SERGEF: variants seen among roughly 807,000 people sequenced by gnomAD.
SERGEF encodes the protein secretion regulating guanine nucleotide exchange factor, also known as secretion-regulating guanine nucleotide exchange factor.
In SERGEF, 51 loss-of-function variants were observed where a neutral mutation model predicts 50.0. The observed-to-expected ratio is 1.02, with a 90% CI of 0.81 to 1.29. The LOEUF (loss-of-function observed/expected upper bound fraction) is 1.29. SERGEF is among the 50% of genes most tolerant of loss of function. SERGEF has a pLI of 0.00. For synonymous variants in SERGEF, 205 were observed against 212.4 expected (o/e 0.97, Z 0.30); for missense variants, 521 against 557.0 (o/e 0.94, Z 0.65).
intron 10 of SERGEF, among the ~76,000 whole-genome samples, chr11:17,859,915 T>C (rs1370510644): frequency 6.6e-6 from 1 of 152,198 alleles, no homozygotes; most frequent in Non-Finnish European, 1.5e-5. Flanking sequence ...AACTCCTCTT[T>C]TCCGGGAAAG....
At chr11:17,899,663 T>C (rs1851707953) in intron 9 of SERGEF, among the ~76,000 whole-genome samples, 2 of 152,078 alleles carry the variant, frequency 1.3e-5, no homozygotes, top group Non-Finnish European at 2.9e-5. Context: ...TCATCAAACA[T>C]TTAATGAGGC....
At chr11:17,870,175 A>G (rs1851111318) in intron 10 of SERGEF, among the ~76,000 whole-genome samples, 1 of 152,186 alleles carries the variant, frequency 6.6e-6, no homozygotes, top group African/African-American at 2.4e-5. Flanking sequence ...CCATGATTGT[A>G]AGTTTCCTGA....
In SERGEF at chr11:17,812,768, A is replaced by T. The variant is rs183429468; in HGVS notation, c.1049-24355T>A. On this transcript the variant is annotated intron_variant, in intron 10 of 10. Transcript: ENST00000265965. ...TATACTGCTTACTTACTCTGCCCCC[A>T]GTAGAGAGCCTGGCATATGATAAAG... 6.6e-4 allele frequency among the ~76,000 whole-genome samples: 100 copies of T among 152,358 alleles called. 1 individual carries two copies. The highest frequency in any genetic ancestry group is 1.2e-4 in the Non-Finnish European group (8 of 68,026).
At chr11:17,992,903 G>A in intron 7 of SERGEF, 28 bp downstream of exon 7, 1 of 1,597,874 alleles carries the variant, frequency 6.3e-7, no homozygotes, top group South Asian at 1.1e-5. Flanking sequence ...TGAATGGCAT[G>A]TTAAACCGTG....
intron 3 of SERGEF, among the ~76,000 whole-genome samples, 165 bp downstream of exon 3, chr11:18,006,426 T>C (rs893154821): frequency 6.6e-6 from 1 of 152,236 alleles, no homozygotes; most frequent in African/African-American, 2.4e-5. Context: ...TACACCTGCC[T>C]TGGCCTCCCA....
intron 9 of SERGEF, among the ~76,000 whole-genome samples, chr11:17,882,874 C>G (rs930307102): frequency 1.3e-5 from 2 of 152,128 alleles, no homozygotes; most frequent in Admixed American, 6.5e-5. Flanking sequence ...AACTCCAGCA[C>G]AGCAAAGCAC....
chr11:17,839,245 T>C (rs1327198391), intron 10 of SERGEF, among the ~76,000 whole-genome samples: 2 of 152,192 alleles, frequency 1.3e-5, no homozygotes, highest in East Asian at 3.8e-4. Flanking sequence ...ACAATGACTA[T>C]GCTTGCCCCA....
At chr11:17,791,433 T>C (rs1849483079) in intron 10 of SERGEF, among the ~76,000 whole-genome samples, 2 of 152,262 alleles carry the variant, frequency 1.3e-5, no homozygotes, top group Admixed American at 6.5e-5. Flanking sequence ...CTGCAAGTTT[T>C]TAATAGTATT....
intron 9 of SERGEF, among the ~76,000 whole-genome samples, chr11:17,922,729 C>G (rs1852182315): frequency 6.6e-6 from 1 of 152,206 alleles, no homozygotes; most frequent in East Asian, 1.9e-4. Flanking sequence ...GTATGACTTG[C>G]AGTCTCAGTT....
At chr11:17,952,376 C>T (rs1852788754) in intron 9 of SERGEF, among the ~76,000 whole-genome samples, 1 of 152,152 alleles carries the variant, frequency 6.6e-6, no homozygotes, top group South Asian at 2.1e-4. Flanking sequence ...CTCAAAACTT[C>T]TCTCTTCACA....
intron 9 of SERGEF, among the ~76,000 whole-genome samples, chr11:17,929,795 T>C (rs930597529): frequency 1.3e-5 from 2 of 152,198 alleles, no homozygotes; most frequent in African/African-American, 4.8e-5. Flanking sequence ...CTTGCCTGAT[T>C]TATTCCCCCA....
chr11:17,963,342 A>C (rs1272785486), intron 8 of SERGEF, among the ~76,000 whole-genome samples: 12 of 139,756 alleles, frequency 8.6e-5, no homozygotes, highest in Non-Finnish European at 1.8e-4. Context: ...AGGGATCCCT[A>C]AACTTGGTTG....
intron 1 of SERGEF, 101 bp from the exon 2 acceptor site, chr11:18,008,177 C>T (rs1168310282): frequency 8.3e-7 from 1 of 1,204,712 alleles, no homozygotes; most frequent in East Asian, 2.4e-5. Flanking sequence ...TCTCTCAGAC[C>T]CTGTAACAGA....
At chr11:17,833,470 G>T (rs541848021) in intron 10 of SERGEF, among the ~76,000 whole-genome samples, 48 of 152,322 alleles carry the variant, frequency 3.2e-4, no homozygotes, top group African/African-American at 1.1e-3. Flanking sequence ...TGTGGGGTGG[G>T]ATTCCCCACA....
intron 10 of SERGEF, among the ~76,000 whole-genome samples, chr11:17,842,238 G>C (rs545987513): frequency 5.3e-5 from 8 of 152,264 alleles, no homozygotes; most frequent in African/African-American, 1.9e-4. Flanking sequence ...ATACACCGCA[G>C]CTATTCACTG....
intron 9 of SERGEF, among the ~76,000 whole-genome samples, chr11:17,889,935 G>A (rs1400752562): frequency 6.6e-6 from 1 of 151,410 alleles, no homozygotes; most frequent in South Asian, 2.1e-4. Context: ...GCCTAATTTG[G>A]GTGATTACAT....
chr11:17,801,388 TAGG>T (rs1849667688), intron 10 of SERGEF, among the ~76,000 whole-genome samples: 1 of 152,122 alleles, frequency 6.6e-6, no homozygotes, highest in South Asian at 2.1e-4. Context: ...GGAGCAGATT[TAGG>T]AGGCTACTGC....
intron 10 of SERGEF, among the ~76,000 whole-genome samples, chr11:17,802,946 T>C (rs1286780756): frequency 1.3e-5 from 2 of 152,288 alleles, no homozygotes; most frequent in African/African-American, 4.8e-5. Flanking sequence ...TTCATTTTAT[T>C]CAACTGCTGT....
chr11:17,796,130 G>A (rs577408539), intron 10 of SERGEF, among the ~76,000 whole-genome samples: 8 of 152,092 alleles, frequency 5.3e-5, no homozygotes, highest in Non-Finnish European at 7.4e-5. Context: ...TTTTCATTTC[G>A]TTCAAATATT....
Sources: gnomAD v4.1 joint callset for allele counts (sites outside exome capture counted in the v4.1 genomes callset) on GRCh38, gnomAD v4.1.1 for gene constraint, MANE v1.5 for transcripts, NCBI Gene and HGNC (gene_info 2026-07-23, HGNC 2026-07-21) for gene names.